The following HIP1 variants were observed in gnomAD, a reference collection of about 807,000 sequenced individuals.
HIP1 encodes huntingtin interacting protein 1, also known as huntingtin-interacting protein 1.
HIP1 carries 65 observed loss-of-function variants against 147.6 expected under a neutral mutation model. The ratio of observed to expected loss-of-function variants is 0.44; its 90% CI spans 0.36 to 0.54. HIP1 has a LOEUF of 0.54. HIP1 is among the 20% of genes least tolerant of loss of function. The probability of loss-of-function intolerance (pLI) is 0.00; values close to 1 mark genes in which losing one functional copy is unlikely to be tolerated. For missense variants in HIP1, 1,061 were observed against 1,299.6 expected (o/e 0.82, Z 2.82); for synonymous variants, 479 against 504.0 (o/e 0.95, Z 0.67).
rs573034532 is a variant in HIP1, at chr7:75,696,148, C to T, written c.120+42653G>A. ...TGGGACAGGTGTGAGCCACCATGCC[C>T]GGCTAATGTTTGCATTTTTTGTAGG... is the stretch of plus-strand genomic sequence containing the variant. On this transcript the variant is annotated intron_variant, in intron 1 of 30. Transcript: ENST00000336926. 4.6e-4 allele frequency among the ~76,000 whole-genome samples: 70 copies of T among 151,230 alleles called. 1 individual carries two copies. Among genetic ancestry groups the T allele is most frequent in the African/African-American group, 1.6e-3 (64 of 41,198 alleles).
At chr7:75,652,716 T>C (rs2117191898) in intron 1 of HIP1, among the ~76,000 whole-genome samples, 1 of 152,164 alleles carries the variant, frequency 6.6e-6, no homozygotes, top group Admixed American at 6.6e-5. Flanking sequence ...TATAATGCTA[T>C]ATTAGAGTAT....
chr7:75,601,406 T>C (rs1796967244), intron 1 of HIP1, among the ~76,000 whole-genome samples: 1 of 151,950 alleles, frequency 6.6e-6, no homozygotes, highest in African/African-American at 2.4e-5. Context: ...CTGGCCAACA[T>C]GGTGAAACCC....
chr7:75,609,831 T>G lies in HIP1; in HGVS notation c.121-10584A>C, dbSNP rs75289739. 6.7e-3 allele frequency among the ~76,000 whole-genome samples: 1,023 copies of G among 151,912 alleles called. 6 individuals are homozygous for G. The highest frequency in any genetic ancestry group is 0.012 in the Non-Finnish European group (830 of 67,932). On this transcript the variant is annotated intron_variant, in intron 1 of 30. Transcript: ENST00000336926. ...CGGCCTCCCAAGGTACCTTTATTTTTTTAAGACTTAACCAAGCTACTCAGG... is the reference window on the plus strand; with the variant it reads ...CGGCCTCCCAAGGTACCTTTATTTTGTTAAGACTTAACCAAGCTACTCAGG...
At chr7:75,564,176 G>A (rs1020584312) in intron 9 of HIP1, among the ~76,000 whole-genome samples, 1 of 152,196 alleles carries the variant, frequency 6.6e-6, no homozygotes, top group African/African-American at 2.4e-5. Context: ...ACAGGCATGA[G>A]CCACCACATC....
chr7:75,703,964 G>C (rs1800915067), intron 1 of HIP1, among the ~76,000 whole-genome samples: 1 of 152,116 alleles, frequency 6.6e-6, no homozygotes, highest in African/African-American at 2.4e-5. Flanking sequence ...GAAAAGCCAG[G>C]GCCCCGGGCC....
chr7:75,552,481 C>T (rs140393055), intron 22 of HIP1, among the ~76,000 whole-genome samples: 145 of 152,022 alleles, frequency 9.5e-4, no homozygotes, highest in Admixed American at 2.6e-3. Flanking sequence ...TCCCGAGTAG[C>T]TGGGACTACA....
chr7:75,609,718 C>T (rs1797358036), intron 1 of HIP1, among the ~76,000 whole-genome samples: 2 of 151,664 alleles, frequency 1.3e-5, no homozygotes, highest in African/African-American at 2.4e-5. Flanking sequence ...CCACCATGCC[C>T]AGCTAATTTT....
intron 1 of HIP1, among the ~76,000 whole-genome samples, chr7:75,632,035 G>A (rs1033063422): frequency 7.2e-5 from 11 of 152,158 alleles, no homozygotes; most frequent in Admixed American, 4.6e-4. Flanking sequence ...AGTGCAACTC[G>A]GAGGGGCCTC....
chr7:75,573,577 G>C (rs1160301263), intron 8 of HIP1, among the ~76,000 whole-genome samples, 184 bp downstream of exon 8: 1 of 152,134 alleles, frequency 6.6e-6, no homozygotes, highest in African/African-American at 2.4e-5. Flanking sequence ...GCTTTACTGG[G>C]GTCACCAAAG....
intron 1 of HIP1, among the ~76,000 whole-genome samples, chr7:75,693,024 G>T (rs1800512137): frequency 6.6e-6 from 1 of 152,006 alleles, no homozygotes; most frequent in Admixed American, 6.6e-5. Context: ...AACTAGCCAG[G>T]CGTGGTGCTA....
chr7:75,729,742 C>T (rs1020600063), intron 1 of HIP1, among the ~76,000 whole-genome samples: 7 of 152,026 alleles, frequency 4.6e-5, no homozygotes, highest in Admixed American at 1.3e-4. Context: ...GCCGAGATCG[C>T]GCTACTGCAC....
intron 27 of HIP1, among the ~76,000 whole-genome samples, chr7:75,543,920 C>G (rs1163239995): frequency 6.6e-6 from 1 of 152,150 alleles, no homozygotes. Context: ...CGCCTGTAAT[C>G]CCAGCACTTT....
Position 75,536,283 on chromosome 7 carries a change from C to T in HIP1, c.*1889G>A, listed in dbSNP as rs886467116. The stretch of plus-strand genomic sequence containing the variant: ...GGTCACACGTCTGAGTATGGTCATC[C>T]GAGGTCCTGGGAGAGAGTTTTTTGA... On this transcript the variant is annotated 3_prime_UTR_variant, in exon 31 of 31. Transcript: ENST00000336926. 1.5e-5 allele frequency: 3 copies of T among 199,086 alleles called. No individual in the cohort carries two copies. The highest frequency in any genetic ancestry group is 7.4e-5 in the East Asian group (1 of 13,442). The allele number at this position is 199,086 out of a possible 1,614,324, so 12.3% of individuals were successfully genotyped here.
intron 13 of HIP1, among the ~76,000 whole-genome samples, 185 bp downstream of exon 13, chr7:75,561,144 G>T (rs1473713652): frequency 1.3e-5 from 2 of 151,472 alleles, no homozygotes; most frequent in African/African-American, 4.9e-5. Flanking sequence ...TTGAAGACGG[G>T]GGTTTCACCC....
At chr7:75,577,569 C>A (rs940725336) in intron 7 of HIP1, among the ~76,000 whole-genome samples, 2 of 152,142 alleles carry the variant, frequency 1.3e-5, no homozygotes, top group Non-Finnish European at 1.5e-5. Flanking sequence ...CACCTGGTAG[C>A]CTGCTGTTTT....
chr7:75,586,963 T>G lies in HIP1; in HGVS notation c.385-130A>C, dbSNP rs1232976999. The stretch of plus-strand genomic sequence containing the variant: ...CCCCTTTATTTTATTTATTTAGAGA[T>G]GGGGTCTAGCTCTGTTGCCCAGGCT... On this transcript the variant is annotated intron_variant, in intron 4 of 30. Transcript: ENST00000336926. 8 of 666,480 alleles carry G rather than the reference T, an allele frequency of 1.2e-5. No individual in the cohort carries two copies. In the African/African-American group the frequency reaches 1.4e-4, roughly 12 times the overall value. The allele number at this position is 666,480 out of a possible 1,614,324, so 41.3% of individuals were successfully genotyped here. A position where few individuals can be genotyped will look rare whatever the true frequency, so the allele number is the denominator to read the frequency against.
chr7:75,581,167 A>C, intron 7 of HIP1, 70 bp downstream of exon 7: 1 of 1,171,318 alleles, frequency 8.5e-7, no homozygotes, highest in South Asian at 1.3e-5. Flanking sequence ...CACACTTTGC[A>C]GGGAGAGGAG....
chr7:75,564,040 C>T (rs1415219282), intron 9 of HIP1, among the ~76,000 whole-genome samples: 1 of 152,048 alleles, frequency 6.6e-6, no homozygotes, highest in South Asian at 2.1e-4. Context: ...TACAGGGATG[C>T]ACCACCATGC....
intron 1 of HIP1, among the ~76,000 whole-genome samples, chr7:75,695,090 A>T (rs1422002373): frequency 6.6e-6 from 1 of 152,066 alleles, no homozygotes; most frequent in Non-Finnish European, 1.5e-5. Flanking sequence ...TCATTTCTTG[A>T]TTCTCCTTAT....
Sources: gnomAD v4.1 joint callset for allele counts (sites outside exome capture counted in the v4.1 genomes callset) on GRCh38, gnomAD v4.1.1 for gene constraint, MANE v1.5 for transcripts, NCBI Gene and HGNC (gene_info 2026-07-23, HGNC 2026-07-21) for gene names.